LTA4H: variants seen among roughly 807,000 people sequenced by gnomAD.
LTA4H encodes leukotriene A4 hydrolase, also known as leukotriene A-4 hydrolase.
Under a neutral mutation model 89.8 loss-of-function variants are expected in LTA4H, and 59 were observed. The observed-to-expected ratio is 0.66, with a 90% CI of 0.53 to 0.82. The LOEUF (loss-of-function observed/expected upper bound fraction) is 0.82. Ranked by LOEUF, LTA4H falls within the 40% of genes least tolerant of loss-of-function variation. The probability of loss-of-function intolerance (pLI) is 0.00; values close to 1 mark genes in which losing one functional copy is unlikely to be tolerated. For synonymous variants in LTA4H, 227 were observed against 253.1 expected, an observed-to-expected ratio of 0.90 and a Z score of 0.98; for missense variants, 617 against 727.0, an observed-to-expected ratio of 0.85 and a Z score of 1.74.
chr12:96,043,278 T>C, intron 1 of LTA4H: 1 of 1,528,512 alleles, frequency 6.5e-7, no homozygotes, highest in Non-Finnish European at 8.8e-7. Context: ...GAGAAGGAGC[T>C]TGGAACTTAC....
At chr12:96,003,125 G>C in intron 17 of LTA4H, 61 bp from the exon 18 acceptor site, 1 of 1,043,736 alleles carries the variant, frequency 9.6e-7, no homozygotes, top group Non-Finnish European at 1.5e-6. Flanking sequence ...GGATATGACA[G>C]GTATATCTTA....
intron 1 of LTA4H, among the ~76,000 whole-genome samples, chr12:96,031,916 T>G (rs1950579296): frequency 6.6e-6 from 1 of 152,256 alleles, no homozygotes; most frequent in Admixed American, 6.5e-5. Flanking sequence ...ATTTTCTACT[T>G]GCTATGTGCA....
At chr12:96,019,858 C>T (rs935788951) in intron 6 of LTA4H, among the ~76,000 whole-genome samples, 1 of 151,532 alleles carries the variant, frequency 6.6e-6, no homozygotes, top group African/African-American at 2.4e-5. Flanking sequence ...CCTCGGCCAC[C>T]CAAATTGCTG....
upstream of LTA4H, among the ~76,000 whole-genome samples, chr12:96,040,171 T>C (rs1950677637): frequency 6.6e-6 from 1 of 152,174 alleles, no homozygotes; most frequent in Non-Finnish European, 1.5e-5. Flanking sequence ...ATTTTTCAGG[T>C]GGACTTAGCA....
intron 1 of LTA4H, among the ~76,000 whole-genome samples, chr12:96,032,746 C>A (rs570577186): frequency 1.4e-3 from 209 of 152,242 alleles, no homozygotes; most frequent in Middle Eastern, 3.4e-3. Context: ...ACATGCCAAC[C>A]AGAAATCACT....
At chr12:96,017,170 C>G (rs980962199) in intron 9 of LTA4H, 56 bp from the exon 10 acceptor site, 2 of 1,187,864 alleles carry the variant, frequency 1.7e-6, no homozygotes, top group Non-Finnish European at 1.3e-6. Flanking sequence ...TAAAATAACC[C>G]ATTCTACTGT....
At chr12:96,033,460 C>T (rs1405755038) in intron 1 of LTA4H, among the ~76,000 whole-genome samples, 1 of 152,198 alleles carries the variant, frequency 6.6e-6, no homozygotes, top group Non-Finnish European at 1.5e-5. Context: ...CACATCTGAA[C>T]ACAAGTGTCC....
In LTA4H at chr12:96,001,031, G is replaced by A. The variant is rs766375049; in HGVS notation, c.1794C>T (p.Pro598=). Residue 598 remains proline (P), a synonymous_variant, in exon 19 of 19, where the codon CCC becomes CCT. Coordinates refer to ENST00000228740, the MANE Select transcript of LTA4H (RefSeq NM_000895.3). ...TYQEHKASMH[P]VTAMLVGKDL... ...CTTTCCCCACCAGCATTGCAGTCAC[G>A]GGATGCATGCTTGCTTTGTGCTCTT... The A allele has an allele frequency of 3.3e-5, 53 of 1,613,918 alleles. No homozygotes were observed. The highest frequency in any genetic ancestry group is 3.3e-4 in the Middle Eastern group (2 of 6,082).
intron 12 of LTA4H, chr12:96,014,204 G>C (rs1190576061): frequency 5.6e-6 from 1 of 179,450 alleles, no homozygotes; most frequent in Non-Finnish European, 1.1e-5. Flanking sequence ...AATGGATCCA[G>C]GTGACAGACA....
rs572953831 is a variant in LTA4H at position 96,022,853 on chromosome 12, A to G, written c.481-602T>C. 3.3e-5 allele frequency among the ~76,000 whole-genome samples: 5 copies of G among 152,344 alleles called. No individual in the cohort carries two copies. The South Asian group carries it at 1.0e-3, about 32-fold the overall frequency. On this transcript the variant is annotated intron_variant, in intron 4 of 18. Coordinates refer to ENST00000228740, the MANE Select transcript of LTA4H (RefSeq NM_000895.3). This position sits in a 1 kb window ranked among gnomAD's most constrained non-coding sequence, Gnocchi z 4.0. ...CAAAACAGATTCAAAAGGACGTTAT[A>G]TACTCACTGTAGGACAGAATGGTTT... is the stretch of plus-strand genomic sequence containing the variant.
rs868273030 is a variant in LTA4H at position 96,019,920 on chromosome 12, A to T, written c.639-680T>A. Among the ~76,000 whole-genome samples, 714 of 120,212 alleles carry T rather than the reference A, an allele frequency of 5.9e-3. 4 individuals carry two copies. The highest frequency in any genetic ancestry group is 0.041 in the South Asian group (147 of 3,552). The allele number at this position is 120,212 out of a possible 152,430, so 78.9% of individuals were successfully genotyped here. ...CAGCGTTTTTTTTTTTTTTTTTTTT[A>T]AATATACAGGGTCTCATTCTGTTGC... On this transcript the variant is annotated intron_variant, in intron 6 of 18. Coordinates refer to ENST00000228740, the MANE Select transcript of LTA4H (RefSeq NM_000895.3).
At chr12:96,030,638 C>T (rs1168174587) in intron 1 of LTA4H, among the ~76,000 whole-genome samples, 1 of 152,104 alleles carries the variant, frequency 6.6e-6, no homozygotes, top group African/African-American at 2.4e-5. Flanking sequence ...CCTTTCTTTC[C>T]ACTACTAACC....
chr12:96,006,133 T>A (rs1950195023), intron 16 of LTA4H, among the ~76,000 whole-genome samples, 181 bp downstream of exon 16: 2 of 152,214 alleles, frequency 1.3e-5, no homozygotes, highest in Admixed American at 1.3e-4. Context: ...CATATTTTCA[T>A]ATTTAGCACA....
At chr12:96,041,571 AAAG>A (rs1398088111) in intron 1 of LTA4H, among the ~76,000 whole-genome samples, 3 of 152,190 alleles carry the variant, frequency 2.0e-5, no homozygotes, top group African/African-American at 4.8e-5. Context: ...AAAAACAAAA[AAAG>A]AAATGTGTAT....
intron 3 of LTA4H, among the ~76,000 whole-genome samples, chr12:96,026,806 A>G (rs1950518246): frequency 6.6e-6 from 1 of 152,224 alleles, no homozygotes; most frequent in African/African-American, 2.4e-5. Flanking sequence ...TACTATGAAA[A>G]GTAGGTATTT....
intron 11 of LTA4H, 62 bp downstream of exon 11, chr12:96,015,521 A>C: frequency 8.4e-5 from 101 of 1,206,918 alleles, no homozygotes; most frequent in Non-Finnish European, 9.4e-5. Context: ...CTTTTATAAA[A>C]ACTCAGTTTT....
chr12:96,008,724 G>A (rs1164756895), intron 15 of LTA4H, among the ~76,000 whole-genome samples: 1 of 152,068 alleles, frequency 6.6e-6, no homozygotes, highest in African/African-American at 2.4e-5. Context: ...AGGAGTTTGA[G>A]ACCAGCCTGT....
intron 13 of LTA4H, 115 bp from the exon 14 acceptor site, chr12:96,013,373 A>G: frequency 1.6e-6 from 1 of 624,864 alleles, no homozygotes; most frequent in South Asian, 2.0e-5. Context: ...TATCAAGATA[A>G]TTTCTAAATC....
At chr12:96,029,565 TC>T (rs1950551513) in intron 1 of LTA4H, among the ~76,000 whole-genome samples, 1 of 152,200 alleles carries the variant, frequency 6.6e-6, no homozygotes, top group Non-Finnish European at 1.5e-5. Flanking sequence ...ACAATATATT[TC>T]CTCCTAGAAC....
Sources: allele counts gnomAD v4.1 joint callset (sites outside exome capture counted in the v4.1 genomes callset), GRCh38; gene constraint gnomAD v4.1.1; non-coding constraint Gnocchi (gnomAD v3.1); transcripts MANE v1.5; gene names NCBI Gene and HGNC (gene_info 2026-07-23, HGNC 2026-07-21).